The following ZNF471 variants were observed in gnomAD, a reference collection of about 807,000 sequenced individuals.
ZNF471 encodes the protein zinc finger protein 471, also known as EZFIT-related protein 1.
In ZNF471, 7 loss-of-function variants were observed where a neutral mutation model predicts 13.7. That is an observed-to-expected ratio of 0.51 (90% CI 0.29 to 0.96). The LOEUF (loss-of-function observed/expected upper bound fraction) is 0.96. ZNF471 is among the 40% of genes least tolerant of loss of function. The probability of loss-of-function intolerance (pLI) is 0.08; values close to 1 mark genes in which losing one functional copy is unlikely to be tolerated. For missense variants in ZNF471, 663 were observed against 743.3 expected, an observed-to-expected ratio of 0.89 and a Z score of 1.26; for synonymous variants, 218 against 235.6, an observed-to-expected ratio of 0.93 and a Z score of 0.68.
chr19:56,529,341 T>G lies in ZNF471; in HGVS notation c.*3393T>G, dbSNP rs2044082875. The G allele has an allele frequency of 6.6e-6, 1 of 150,794 alleles. No homozygotes were observed. The highest frequency in any genetic ancestry group is 1.5e-5 in the Non-Finnish European group (1 of 67,782). 9.3% of individuals were successfully genotyped at this position (150,794 alleles called of 1,614,324 possible). ...TCCCATTTGACTCCTTACACAGAAG[T>G]TCATTCTATACTCATTACAGATGTA... is the stretch of plus-strand genomic sequence containing the variant. On this transcript the variant is annotated 3_prime_UTR_variant, in exon 5 of 5. Coordinates refer to ENST00000308031, the MANE Select transcript of ZNF471 (RefSeq NM_020813.4).
Position 56,510,603 on chromosome 19 carries a change from G to A in ZNF471, c.-55-914G>A. 1.0e-6 allele frequency: 1 copy of A among 985,560 alleles called. No individual in the cohort carries two copies. The highest frequency in any genetic ancestry group is 1.7e-5 in the African/African-American group (1 of 57,358). The allele number at this position is 985,560 out of a possible 1,614,324, so 61.1% of individuals were successfully genotyped here. ...GTGACTGTGTATATGTGCTTGTTTTGGGGTGCTTGTGATTGTGTCCTCCGT... is the reference window on the plus strand; with the variant it reads ...GTGACTGTGTATATGTGCTTGTTTTAGGGTGCTTGTGATTGTGTCCTCCGT... On this transcript the variant is annotated intron_variant, in intron 1 of 4. Coordinates refer to ENST00000308031, the MANE Select transcript of ZNF471 (RefSeq NM_020813.4). This position sits in a 1 kb window ranked among gnomAD's most constrained non-coding sequence, Gnocchi z 4.3.
Position 56,510,046 on chromosome 19 carries a change from G to A in ZNF471, c.-55-1471G>A. The A allele has an allele frequency of 1.0e-6, 1 of 985,658 alleles. No individual in the cohort carries two copies. The highest frequency in any genetic ancestry group is 1.2e-6 in the Non-Finnish European group (1 of 830,054). 61.1% of individuals were successfully genotyped at this position (985,658 alleles called of 1,614,324 possible). On this transcript the variant is annotated intron_variant, in intron 1 of 4. Coordinates refer to ENST00000308031, the MANE Select transcript of ZNF471 (RefSeq NM_020813.4). The surrounding 1 kb of genome is among the most constrained non-coding windows in gnomAD (Gnocchi z 4.3). ...GGGAGAGACTGGGGTATGTTGGTGT[G>A]AGTGTGTGAGAGACCAATGGGTATG...
rs1166366464 is a variant in ZNF471, at chr19:56,510,108, G to C, written c.-55-1409G>C. ...AGTATGTCTCTGTCTGGACTGGTAG[G>C]TTGTGAGAGGGTGTATCACAGTATG... On this transcript the variant is annotated intron_variant, in intron 1 of 4. Coordinates refer to ENST00000308031, the MANE Select transcript of ZNF471 (RefSeq NM_020813.4). This position sits in a 1 kb window ranked among gnomAD's most constrained non-coding sequence, Gnocchi z 4.3. 1.0e-6 allele frequency: 1 copy of C among 985,448 alleles called. No individual in the cohort carries two copies. The highest frequency in any genetic ancestry group is 6.1e-5 in the Admixed American group (1 of 16,262). The allele number at this position is 985,448 out of a possible 1,614,324, so 61.0% of individuals were successfully genotyped here.
At position 56,525,043 on chromosome 19, in the gene ZNF471, G is replaced by T. The variant is rs960505204; in HGVS notation, c.976G>T (p.Ala326Ser). 1 of 1,613,836 alleles carries T rather than the reference G, an allele frequency of 6.2e-7. No individual in the cohort carries two copies. Among genetic ancestry groups the T allele is most frequent in the Non-Finnish European group, 8.5e-7 (1 of 1,179,946 alleles). ...CTATGAATGTAAAGAATGTGGCAAA[G>T]CCTTCAGTGATGGCTCGTCTTTTGC... ...KPYECKECGK[A>S]FSDGSSFARH... Residue 326 changes from alanine (A) to serine (S), a missense_variant, in exon 5 of 5, where the codon GCC becomes TCC. Physicochemically the swap from Ala to Ser is moderately conservative, Grantham distance 99. Coordinates refer to ENST00000308031, the MANE Select transcript of ZNF471 (RefSeq NM_020813.4).
intron 4 of ZNF471, among the ~76,000 whole-genome samples, chr19:56,520,336 A>G (rs919901889): frequency 2.0e-5 from 3 of 152,182 alleles, no homozygotes; most frequent in Non-Finnish European, 4.4e-5. Flanking sequence ...AGGAACAACC[A>G]TGGCTCTCTG....
chr19:56,521,572 G>C (rs368230774), intron 4 of ZNF471, among the ~76,000 whole-genome samples: 3 of 137,202 alleles, frequency 2.2e-5, no homozygotes, highest in African/African-American at 8.3e-5. Flanking sequence ...CCGGGAGGCA[G>C]AACTTGCAGT....
rs1211311329 is a variant in ZNF471, at chr19:56,524,451, A to G, written c.384A>G (p.Glu128=). The G allele has an allele frequency of 1.9e-6, 3 of 1,613,770 alleles. No individual in the cohort carries two copies. Among genetic ancestry groups the G allele is most frequent in the East Asian group, 2.2e-5 (1 of 44,842 alleles). Residue 128 remains glutamate (E), a synonymous_variant, in exon 5 of 5, where the codon GAA becomes GAG. Transcript: ENST00000308031. The surrounding 1 kb of genome is among the most constrained non-coding windows in gnomAD (Gnocchi z 4.8). ...CSTFEENWKW[E]DLFEKQMGSH... ...CTTTTGAAGAAAATTGGAAATGGGA[A>G]GACCTTTTTGAGAAGCAGATGGGAA...
rs573686706 is a variant in ZNF471 at position 56,525,852 on chromosome 19, C to G, written c.1785C>G (p.Gly595=). The G allele has an allele frequency of 6.2e-7, 1 of 1,612,528 alleles. No homozygotes were observed. The highest frequency in any genetic ancestry group is 1.1e-5 in the South Asian group (1 of 90,696). ...SCAQHQRLHT[G]QRPYQCFECG... is the part of the protein sequence containing the mutation. Reference sequence around the variant, plus strand: ...CTCAGCATCAAAGACTCCACACTGGCCAAAGGCCCTATCAGTGTTTTGAAT... The same window carrying G: ...CTCAGCATCAAAGACTCCACACTGGGCAAAGGCCCTATCAGTGTTTTGAAT... Residue 595 remains glycine, a synonymous_variant, in exon 5 of 5, where the codon GGC becomes GGG. Transcript: ENST00000308031.
At chr19:56,511,452 G>C in intron 1 of ZNF471, 65 bp from the exon 2 acceptor site, 1 of 1,267,258 alleles carries the variant, frequency 7.9e-7, no homozygotes. Context: ...GACAGTTTTA[G>C]GCTAGTGATT....
rs1456807558 is a variant in ZNF471 at position 56,526,021 on chromosome 19, T to TA, written c.*79dup. ...TGTTAATCAGAGATGTCCCACTGGA[T>TA]AAAAAACATATAAATGTAAGAAATG... On this transcript the variant is annotated 3_prime_UTR_variant, in exon 5 of 5. Transcript: ENST00000308031. The TA allele has an allele frequency of 1.4e-6, 2 of 1,408,884 alleles. No individual in the cohort carries two copies. The highest frequency in any genetic ancestry group is 1.9e-6 in the Non-Finnish European group (2 of 1,049,586). The allele number at this position is 1,408,884 out of a possible 1,614,324, so 87.3% of individuals were successfully genotyped here.
At chr19:56,518,607 CTT>C (rs759863221) in intron 4 of ZNF471, 30 bp downstream of exon 4, 1 of 1,582,626 alleles carries the variant, frequency 6.3e-7, no homozygotes, top group Admixed American at 1.7e-5. Context: ...AGAGGGGAAT[CTT>C]TTTGACATAA....
At chr19:56,513,259 A>G (rs968202951) in intron 2 of ZNF471, among the ~76,000 whole-genome samples, 1 of 152,220 alleles carries the variant, frequency 6.6e-6, no homozygotes, top group African/African-American at 2.4e-5. Context: ...ACCTACTACT[A>G]TAGATGATAA....
rs538122710 is a variant in ZNF471, at chr19:56,524,734, G to T, written c.667G>T (p.Val223Phe). ...CTTCACCCATAGCTCATCCCTTACT[G>T]TTCATTTTAGAATTCATACTGGTGA... Reference protein sequence around the residue: ...KTFTHSSSLTVHFRIHTGEKP... With the variant: ...KTFTHSSSLTFHFRIHTGEKP... Residue 223 changes from valine (V) to phenylalanine (F), a missense_variant, in exon 5 of 5, where the codon GTT becomes TTT. Coordinates refer to ENST00000308031, the MANE Select transcript of ZNF471 (RefSeq NM_020813.4). The surrounding 1 kb of genome is among the most constrained non-coding windows in gnomAD (Gnocchi z 4.8). 2 of 1,603,532 alleles carry T rather than the reference G, an allele frequency of 1.2e-6. No individual in the cohort carries two copies. Among genetic ancestry groups the T allele is most frequent in the South Asian group, 2.3e-5 (2 of 88,526 alleles).
chr19:56,517,328 A>C (rs1250672988), intron 3 of ZNF471, among the ~76,000 whole-genome samples: 2 of 121,830 alleles, frequency 1.6e-5, no homozygotes, highest in African/African-American at 3.2e-5. Flanking sequence ...TTTGAAACGG[A>C]GTCTCGCTCT....
intron 2 of ZNF471, among the ~76,000 whole-genome samples, chr19:56,515,856 T>C (rs1254425627): frequency 6.6e-6 from 1 of 152,248 alleles, no homozygotes; most frequent in Non-Finnish European, 1.5e-5. Context: ...CTAAGAAAAT[T>C]GCATTCTTAA....
intron 2 of ZNF471, among the ~76,000 whole-genome samples, chr19:56,514,729 G>A (rs540296999): frequency 7.4e-4 from 112 of 152,214 alleles, no homozygotes; most frequent in African/African-American, 2.5e-3. Context: ...GTGTTTGTCA[G>A]GTTTCTCTAT....
rs528444721 is a variant in ZNF471 at position 56,518,710 on chromosome 19, C to G, written c.256+133C>G. The G allele has an allele frequency of 1.9e-5, 12 of 626,946 alleles. No individual in the cohort carries two copies. In the East Asian group the frequency reaches 3.5e-4, roughly 18 times the overall value. 38.8% of individuals were successfully genotyped at this position (626,946 alleles called of 1,614,324 possible). A position where few individuals can be genotyped will look rare whatever the true frequency, so the allele number is the denominator to read the frequency against. On this transcript the variant is annotated intron_variant, in intron 4 of 4. Transcript: ENST00000308031. Reference sequence around the variant, plus strand: ...TACAGGCCTGGAGAGAAAACTGAAACTTTATGCTTCACATGGGCCCCTCAA... The same window carrying G: ...TACAGGCCTGGAGAGAAAACTGAAAGTTTATGCTTCACATGGGCCCCTCAA...
At chr19:56,518,704 C>A in intron 4 of ZNF471, 127 bp downstream of exon 4, 1 of 685,472 alleles carries the variant, frequency 1.5e-6, no homozygotes, top group Non-Finnish European at 2.3e-6. Context: ...GGAGAGAAAA[C>A]TGAAACTTTA....
In ZNF471 at chr19:56,526,178, T is replaced by C. The variant is rs558352225; in HGVS notation, c.*230T>C. The C allele has an allele frequency of 9.6e-5, 45 of 467,808 alleles. No individual in the cohort carries two copies. The highest frequency in any genetic ancestry group is 5.8e-4 in the African/African-American group (30 of 51,410). 29.0% of individuals were successfully genotyped at this position (467,808 alleles called of 1,614,324 possible). A position where few individuals can be genotyped will look rare whatever the true frequency, so the allele number is the denominator to read the frequency against. ...CAGCTGAGGTACCTGGCTCATCTCATTGGGACTGGTTAGACAGTGGGTGCA... is the reference window on the plus strand; with the variant it reads ...CAGCTGAGGTACCTGGCTCATCTCACTGGGACTGGTTAGACAGTGGGTGCA... On this transcript the variant is annotated 3_prime_UTR_variant, in exon 5 of 5. Transcript: ENST00000308031.
Sources: gnomAD v4.1 joint callset for allele counts (sites outside exome capture counted in the v4.1 genomes callset) on GRCh38, gnomAD v4.1.1 for gene constraint, Gnocchi (gnomAD v3.1) non-coding constraint, MANE v1.5 for transcripts, NCBI Gene and HGNC (gene_info 2026-07-23, HGNC 2026-07-21) for gene names.